CSMD1: variants seen among roughly 807,000 people sequenced by gnomAD.
CSMD1 encodes CUB and sushi domain-containing protein 1.
Under a neutral mutation model 417.5 loss-of-function variants are expected in CSMD1, and 213 were observed. That is an observed-to-expected ratio of 0.51 (90% CI 0.46 to 0.57). The LOEUF (loss-of-function observed/expected upper bound fraction) is 0.57. Ranked by LOEUF, CSMD1 falls within the 20% of genes least tolerant of loss-of-function variation. The probability of loss-of-function intolerance (pLI) is 0.00; values close to 1 mark genes in which losing one functional copy is unlikely to be tolerated. For synonymous variants in CSMD1, 2,862 were observed against 1,736.8 expected (o/e 1.65, Z -16.11); for missense variants, 6,923 against 4,529.7 (o/e 1.53, Z -15.17).
chr8:3,172,937 G>C (rs566355019), intron 37 of CSMD1, among the ~76,000 whole-genome samples: 1 of 152,158 alleles, frequency 6.6e-6, no homozygotes, highest in South Asian at 2.1e-4. Flanking sequence ...AGTACGTGAC[G>C]TTACTGATAG....
chr8:4,086,477 A>T (rs886195063), intron 3 of CSMD1, among the ~76,000 whole-genome samples: 17 of 152,206 alleles, frequency 1.1e-4, no homozygotes, highest in African/African-American at 3.9e-4. Flanking sequence ...ATTCGTTCTG[A>T]CTGTACATTC....
intron 7 of CSMD1, among the ~76,000 whole-genome samples, chr8:3,629,005 A>G (rs1407472063): frequency 6.6e-6 from 1 of 152,200 alleles, no homozygotes; most frequent in Admixed American, 6.5e-5. Flanking sequence ...AAAGAAAAAG[A>G]TAAAATAGAA....
chr8:4,929,573 T>C (rs1807099240), intron 1 of CSMD1, among the ~76,000 whole-genome samples: 1 of 152,150 alleles, frequency 6.6e-6, no homozygotes, highest in Non-Finnish European at 1.5e-5. Flanking sequence ...AAAAAGCTAG[T>C]CTCAAGGTGT....
At chr8:4,976,910 T>A (rs570823981) in intron 1 of CSMD1, among the ~76,000 whole-genome samples, 5 of 152,044 alleles carry the variant, frequency 3.3e-5, no homozygotes, top group Non-Finnish European at 7.4e-5. Context: ...TAAAAAAAAA[T>A]CCTCCAGAGC....
intron 5 of CSMD1, among the ~76,000 whole-genome samples, chr8:3,766,841 G>C (rs1260022460): frequency 2.0e-5 from 3 of 152,108 alleles, no homozygotes; most frequent in African/African-American, 7.2e-5. Flanking sequence ...CCTGAAATGA[G>C]TCTACCATTT....
At chr8:3,369,212 A>G in intron 19 of CSMD1, 42 bp downstream of exon 19, 1 of 967,372 alleles carries the variant, frequency 1.0e-6, no homozygotes, top group South Asian at 1.4e-5. Flanking sequence ...TTTCTGTCTC[A>G]TTTATTAGTC....
rs202207923 is a variant in CSMD1 at position 4,529,041 on chromosome 8, G to GT, written c.302+108300dup. 2.5e-3 allele frequency among the ~76,000 whole-genome samples: 373 copies of GT among 152,174 alleles called. 5 individuals carry two copies. Among genetic ancestry groups the GT allele is most frequent in the African/African-American group, 8.4e-3 (349 of 41,516 alleles). On this transcript the variant is annotated intron_variant, in intron 2 of 69. Coordinates refer to ENST00000635120, the MANE Select transcript of CSMD1 (RefSeq NM_033225.6). ...TTTGTGATGATATATGTGAGACGGTGTTTTTTTAAAAAATGATGATCTGAA... is the reference window on the plus strand; with the variant it reads ...TTTGTGATGATATATGTGAGACGGTGTTTTTTTTAAAAAATGATGATCTGAA...
At chr8:4,376,178 T>A (rs930406752) in intron 3 of CSMD1, among the ~76,000 whole-genome samples, 1 of 152,226 alleles carries the variant, frequency 6.6e-6, no homozygotes, top group Non-Finnish European at 1.5e-5. Context: ...AACAACTGTA[T>A]CAAAAGAATT....
chr8:4,059,727 C>A (rs974424022), intron 3 of CSMD1, among the ~76,000 whole-genome samples: 3 of 152,110 alleles, frequency 2.0e-5, no homozygotes, highest in Non-Finnish European at 2.9e-5. Context: ...CCTACACTCT[C>A]CCAAGACTAA....
chr8:3,885,117 G>T (rs550239237), intron 5 of CSMD1, among the ~76,000 whole-genome samples: 1 of 151,862 alleles, frequency 6.6e-6, no homozygotes, highest in Non-Finnish European at 1.5e-5. Flanking sequence ...TACATTTGTC[G>T]AAACTGTGTA....
chr8:4,366,024 G>A (rs926961165), intron 3 of CSMD1, among the ~76,000 whole-genome samples: 1 of 151,958 alleles, frequency 6.6e-6, no homozygotes, highest in East Asian at 1.9e-4. Flanking sequence ...TGAGCCTGTC[G>A]CCCAGGTAGT....
chr8:3,380,561 A>G (rs940924906), intron 18 of CSMD1, among the ~76,000 whole-genome samples: 7 of 152,218 alleles, frequency 4.6e-5, no homozygotes, highest in African/African-American at 1.7e-4. Context: ...ACGCAGCCAT[A>G]AAAAAGGATG....
At chr8:3,567,612 A>G (rs1799770034) in intron 10 of CSMD1, among the ~76,000 whole-genome samples, 2 of 151,924 alleles carry the variant, frequency 1.3e-5, no homozygotes, top group South Asian at 4.2e-4. Flanking sequence ...AAAGCCTATA[A>G]TACCTATCAT....
chr8:4,606,343 G>A (rs1209167112), intron 2 of CSMD1, among the ~76,000 whole-genome samples: 2 of 151,886 alleles, frequency 1.3e-5, no homozygotes, highest in Non-Finnish European at 2.9e-5. Flanking sequence ...AAACAGTCAA[G>A]GAAACAGGGA....
At chr8:3,603,979 A>G (rs1056137722) in intron 8 of CSMD1, among the ~76,000 whole-genome samples, 1 of 152,206 alleles carries the variant, frequency 6.6e-6, no homozygotes, top group African/African-American at 2.4e-5. Flanking sequence ...CTGTAAATGA[A>G]AATTTTGCAT....
rs1048337853 is a variant in CSMD1, at chr8:3,091,898, T to G, written c.7139-236A>C. On this transcript the variant is annotated intron_variant, in intron 47 of 69. Transcript: ENST00000635120. The stretch of plus-strand genomic sequence containing the variant: ...CATATGCTATTAATGGTGTCATATT[T>G]AAATAAGCCTTGTCTATAAAACAGC... Among the ~76,000 whole-genome samples, 3 of 152,210 alleles carry G rather than the reference T, an allele frequency of 2.0e-5. 1 individual carries two copies. Among genetic ancestry groups the G allele is most frequent in the African/African-American group, 7.2e-5 (3 of 41,456 alleles).
intron 23 of CSMD1, among the ~76,000 whole-genome samples, chr8:3,324,132 T>A (rs76050567): frequency 1.6e-5 from 2 of 124,108 alleles, no homozygotes; most frequent in South Asian, 5.4e-4. Context: ...ATGGTTAAAA[T>A]AGACACACAT....
chr8:4,295,477 TATA>T (rs1797624972), intron 3 of CSMD1, among the ~76,000 whole-genome samples: 1 of 143,060 alleles, frequency 7.0e-6, no homozygotes, highest in South Asian at 2.2e-4. Flanking sequence ...ATTATACACA[TATA>T]ATCTTAAGAT....
chr8:4,191,865 C>T (rs1584993859), intron 3 of CSMD1, among the ~76,000 whole-genome samples: 1 of 151,946 alleles, frequency 6.6e-6, no homozygotes, highest in Non-Finnish European at 1.5e-5. Flanking sequence ...TTCCAGACCT[C>T]AGCAACATCA....
Sources: gnomAD v4.1 joint callset for allele counts (sites outside exome capture counted in the v4.1 genomes callset) on GRCh38, gnomAD v4.1.1 for gene constraint, MANE v1.5 for transcripts, NCBI Gene and HGNC (gene_info 2026-07-23, HGNC 2026-07-21) for gene names.